TFG: variants seen among roughly 807,000 people sequenced by gnomAD.
TFG encodes trafficking from ER to golgi regulator, also known as protein TFG.
TFG carries 22 observed loss-of-function variants against 51.4 expected under a neutral mutation model. That is an observed-to-expected ratio of 0.43 (90% CI 0.31 to 0.61). TFG has a LOEUF of 0.61. Among genes scored for constraint, TFG ranks in the 20% least tolerant of loss-of-function variants. The pLI, the probability that TFG is intolerant of heterozygous loss-of-function variation, is 0.12. For synonymous variants in TFG, 187 were observed against 165.6 expected (o/e 1.13, Z -0.99); for missense variants, 419 against 487.7 (o/e 0.86, Z 1.33).
intron 1 of TFG, among the ~76,000 whole-genome samples, chr3:100,712,882 G>A (rs1023469440): frequency 6.6e-6 from 1 of 152,148 alleles, no homozygotes; most frequent in Non-Finnish European, 1.5e-5. Flanking sequence ...TATCAGAAAG[G>A]GTCAAGACAA....
intron 2 of TFG, among the ~76,000 whole-genome samples, chr3:100,719,672 C>G (rs947332510): frequency 2.6e-5 from 4 of 152,284 alleles, no homozygotes; most frequent in Admixed American, 6.5e-5. Flanking sequence ...TGATATTGCT[C>G]TCTATGAATC....
intron 5 of TFG, among the ~76,000 whole-genome samples, chr3:100,734,843 T>C (rs1351054440): frequency 6.6e-6 from 1 of 152,212 alleles, no homozygotes; most frequent in Non-Finnish European, 1.5e-5. Context: ...TCACATTATT[T>C]GAAGACCATT....
rs1360899137 is a variant in TFG at position 100,748,612 on chromosome 3, A to G, written c.*81A>G. On this transcript the variant is annotated 3_prime_UTR_variant, in exon 8 of 8. Coordinates refer to ENST00000240851, the MANE Select transcript of TFG (RefSeq NM_006070.6). ...TCCAGTACTATTTTAATTTGTATTG[A>G]AGAAGTTCAGAAATTTAAAAGCAGA... 3.6e-6 allele frequency: 5 copies of G among 1,379,980 alleles called. No homozygotes were observed. In the East Asian group the frequency reaches 9.5e-5, roughly 26 times the overall value. 85.5% of individuals were successfully genotyped at this position (1,379,980 alleles called of 1,614,324 possible). A position where few individuals can be genotyped will look rare whatever the true frequency, so the allele number is the denominator to read the frequency against.
At chr3:100,736,865 A>G in intron 6 of TFG, 149 bp downstream of exon 6, 1 of 784,946 alleles carries the variant, frequency 1.3e-6, no homozygotes, top group African/African-American at 1.7e-5. Context: ...TAAAAAACCA[A>G]ATAGAACAAT....
chr3:100,725,635 A>G (rs1201580593), intron 3 of TFG, among the ~76,000 whole-genome samples: 1 of 139,456 alleles, frequency 7.2e-6, no homozygotes, highest in Non-Finnish European at 1.5e-5. Flanking sequence ...AAAAAAAAAA[A>G]AAAAAAAAAA....
Position 100,736,568 on chromosome 3 carries a change from C to T in TFG, c.581-8C>T. The T allele has an allele frequency of 6.2e-7, 1 of 1,610,732 alleles. No individual in the cohort carries two copies. Among genetic ancestry groups the T allele is most frequent in the Admixed American group, 1.7e-5 (1 of 59,116 alleles). The stretch of plus-strand genomic sequence containing the variant: ...GGATACTAAACTGACTTTTTTTTGA[C>T]TATCCAGGGCCACCCAGTGCTCCTG... On this transcript the variant is annotated splice_region_variant and splice_polypyrimidine_tract_variant and intron_variant, in intron 5 of 7. Transcript: ENST00000240851.
chr3:100,723,341 G>A (rs563279738), intron 3 of TFG, among the ~76,000 whole-genome samples: 1 of 152,102 alleles, frequency 6.6e-6, no homozygotes, highest in Admixed American at 6.5e-5. Flanking sequence ...GAAAACAAGG[G>A]TACCTGTTCA....
In TFG at chr3:100,725,622, CAAAAAAAA is replaced by C. The variant is rs763163559; in HGVS notation, c.269-3074_269-3067del. ...CGAAACTCCGTCTCTACCAAAAATA[CAAAAAAAA>C]AAAAAAAAAAAAAAATTAGCTGGGT... On this transcript the variant is annotated intron_variant, in intron 3 of 7. Transcript: ENST00000240851. 3.2e-3 allele frequency among the ~76,000 whole-genome samples: 269 copies of C among 83,482 alleles called. 3 individuals carry two copies. In the South Asian group the frequency reaches 0.048, roughly 15 times the overall value. 54.8% of individuals were successfully genotyped at this position (83,482 alleles called of 152,430 possible).
chr3:100,711,768 A>G (rs1359196839), intron 1 of TFG, among the ~76,000 whole-genome samples: 1 of 152,200 alleles, frequency 6.6e-6, no homozygotes, highest in Non-Finnish European at 1.5e-5. Flanking sequence ...ACATTGATTT[A>G]TTGAAAGGTC....
At chr3:100,709,943 G>T (rs1395698961) in intron 1 of TFG, 1 of 145,406 alleles carries the variant, frequency 6.9e-6, no homozygotes, top group African/African-American at 2.6e-5. Context: ...GGGGAAGGGA[G>T]GTCGCGGAGG....
In TFG at chr3:100,744,835, C is replaced by A; in HGVS notation, c.724C>A (p.Gln242Lys). The A allele has an allele frequency of 6.2e-7, 1 of 1,611,222 alleles. No homozygotes were observed. The highest frequency in any genetic ancestry group is 1.1e-5 in the South Asian group (1 of 90,814). The stretch of plus-strand genomic sequence containing the variant: ...TGTGTGTGTGTGTGTGTTTTCAGGT[C>A]AGATGTACCAACAGTACCAGCAACA... ...AQTQAGQIEG[Q>K]MYQQYQQQAG... Residue 242 changes from glutamine to lysine, a missense_variant and splice_region_variant, in exon 7 of 8, where the codon CAG becomes AAG. Physicochemically the swap from Gln to Lys is moderately conservative, Grantham distance 53. Around this residue, in one of 3 missense-constraint regions of TFG, gnomAD observed 391 missense variants for 434.4 expected, o/e 0.90. Coordinates refer to ENST00000240851, the MANE Select transcript of TFG (RefSeq NM_006070.6).
chr3:100,748,474 G>C lies in TFG; in HGVS notation c.1146G>C (p.Ala382=). The part of the protein sequence containing the change: ...TPPPSGPNPY[A]RNRPPFGQGY... Reference sequence around the variant, plus strand: ...CTCCAAGTGGGCCTAATCCTTATGCGCGTAACCGTCCTCCCTTTGGTCAGG... The same window carrying C: ...CTCCAAGTGGGCCTAATCCTTATGCCCGTAACCGTCCTCCCTTTGGTCAGG... Residue 382 remains alanine (A), a synonymous_variant, in exon 8 of 8, where the codon GCG becomes GCC. Transcript: ENST00000240851. The C allele has an allele frequency of 6.2e-7, 1 of 1,613,970 alleles. No individual in the cohort carries two copies. The highest frequency in any genetic ancestry group is 2.2e-5 in the East Asian group (1 of 44,874).
intron 2 of TFG, among the ~76,000 whole-genome samples, chr3:100,715,657 T>C (rs1435485923): frequency 6.6e-6 from 1 of 152,180 alleles, no homozygotes; most frequent in Non-Finnish European, 1.5e-5. Flanking sequence ...TTTCCTGTTT[T>C]CTTATGCTTA....
chr3:100,723,346 T>G (rs770678209), intron 3 of TFG, among the ~76,000 whole-genome samples: 1 of 152,114 alleles, frequency 6.6e-6, no homozygotes, highest in Admixed American at 6.5e-5. Context: ...CAAGGGTACC[T>G]GTTCAGTTCA....
At chr3:100,737,069 A>G (rs1250181696) in intron 6 of TFG, among the ~76,000 whole-genome samples, 1 of 152,106 alleles carries the variant, frequency 6.6e-6, no homozygotes, top group Admixed American at 6.5e-5. Context: ...CCTTTCTTCA[A>G]CATCTGTGCA....
rs1212570053 is a variant in TFG at position 100,732,522 on chromosome 3, A to G, written c.430A>G (p.Arg144Gly). ...NIPENDTVDG[R>G]EEKSASDSSG... ...TATTTTTACAGATACTGTGGATGGT[A>G]GGGAAGAAAAGTCTGCTTCTGATTC... The change falls in exon 5 of 8, where the codon AGG becomes GGG. Residue 144 changes from arginine to glycine, a missense_variant. Arg to Gly is a moderately radical substitution (Grantham distance 125). This residue lies in a region of TFG where 391 missense variants were observed against 434.4 expected (regional missense o/e 0.90). Coordinates refer to ENST00000240851, the MANE Select transcript of TFG (RefSeq NM_006070.6). The G allele has an allele frequency of 1.2e-6, 2 of 1,609,552 alleles. No individual in the cohort carries two copies. Among genetic ancestry groups the G allele is most frequent in the Non-Finnish European group, 1.7e-6 (2 of 1,178,404 alleles).
intron 5 of TFG, among the ~76,000 whole-genome samples, chr3:100,735,699 GACTGTCACAGCATTGGA>G (rs1460072963): frequency 6.6e-6 from 1 of 152,096 alleles, no homozygotes; most frequent in Non-Finnish European, 1.5e-5. Flanking sequence ...TATCTTTTTT[GACTGTCACAGCATTGGA>G]ACTGTAATAT....
At chr3:100,742,042 A>C (rs1311840414) in intron 6 of TFG, among the ~76,000 whole-genome samples, 1 of 152,302 alleles carries the variant, frequency 6.6e-6, no homozygotes, top group East Asian at 1.9e-4. Flanking sequence ...CTTACTATAA[A>C]CAATGTCTGC....
intron 1 of TFG, among the ~76,000 whole-genome samples, chr3:100,713,218 G>T (rs1047889008): frequency 6.6e-6 from 1 of 152,172 alleles, no homozygotes; most frequent in African/African-American, 2.4e-5. Context: ...TTGGACCCCA[G>T]AGTTATTTTA....
Sources: allele counts gnomAD v4.1 joint callset (sites outside exome capture counted in the v4.1 genomes callset), GRCh38; gene constraint gnomAD v4.1.1; regional missense constraint gnomAD v4.1.1; transcripts MANE v1.5; gene names NCBI Gene and HGNC (gene_info 2026-07-23, HGNC 2026-07-21).